The following ERBB4 variants were observed in gnomAD, a reference collection of about 807,000 sequenced individuals.
The protein encoded by ERBB4 is receptor tyrosine-protein kinase erbB-4.
ERBB4 carries 42 observed loss-of-function variants against 158.0 expected under a neutral mutation model. The ratio of observed to expected loss-of-function variants is 0.27; its 90% CI spans 0.21 to 0.34. The LOEUF is 0.34. ERBB4 is among the 10% of genes least tolerant of loss of function. ERBB4 has a pLI of 1.00. For missense variants in ERBB4, 1,333 were observed against 1,624.1 expected, an observed-to-expected ratio of 0.82 and a Z score of 3.08; for synonymous variants, 583 against 558.7, an observed-to-expected ratio of 1.04 and a Z score of -0.61.
rs554756651 is a variant in ERBB4 at position 212,374,626 on chromosome 2, C to T, written c.82+163823G>A. Among the ~76,000 whole-genome samples the T allele has an allele frequency of 1.6e-4, 24 of 152,034 alleles. No homozygotes were observed. The South Asian group carries it at 3.7e-3, about 24-fold the overall frequency. On this transcript the variant is annotated intron_variant, in intron 1 of 27. Transcript: ENST00000342788. ...AATATTACAAATATAAACACACACA[C>T]ACACACATATTTGTAAAGAGGAAGA...
rs2081987865 is a variant in ERBB4, at chr2:211,988,299, T to TTA, written c.235-40685_235-40684dup. 2.6e-5 allele frequency among the ~76,000 whole-genome samples: 4 copies of TTA among 152,078 alleles called. No individual in the cohort carries two copies. In the South Asian group the frequency reaches 8.3e-4, roughly 31 times the overall value. Reference sequence around the variant, plus strand: ...TTCAAGTTCACACCGCTTACTAGTTTTATAATCTTGGGCAGTTGGATTCTC... The same window carrying TTA: ...TTCAAGTTCACACCGCTTACTAGTTTTATATAATCTTGGGCAGTTGGATTCTC... On this transcript the variant is annotated intron_variant, in intron 2 of 27. Coordinates refer to ENST00000342788, the MANE Select transcript of ERBB4 (RefSeq NM_005235.3).
rs142639642 is a variant in ERBB4, at chr2:211,457,272, A to G, written c.2488-26172T>C. On this transcript the variant is annotated intron_variant, in intron 20 of 27. Transcript: ENST00000342788. The stretch of plus-strand genomic sequence containing the variant: ...TTCCTAGATTAAATGGTTTGAAATT[A>G]TCTATTTAAAAATAATTACTTCTTT... Among the ~76,000 whole-genome samples, 373 of 152,310 alleles carry G rather than the reference A, an allele frequency of 2.4e-3. 2 individuals are homozygous for G. The highest frequency in any genetic ancestry group is 8.7e-3 in the African/African-American group (360 of 41,558).
chr2:211,741,452 T>TATACACACACAC (rs1553622686), intron 5 of ERBB4, among the ~76,000 whole-genome samples: 9 of 143,210 alleles, frequency 6.3e-5, no homozygotes, highest in African/African-American at 1.1e-4. Context: ...TATGTAGTTA[T>TATACACACACAC]ACACACACAC....
chr2:212,089,102 G>A (rs1251522363), intron 2 of ERBB4, among the ~76,000 whole-genome samples: 1 of 151,994 alleles, frequency 6.6e-6, no homozygotes, highest in Admixed American at 6.6e-5. Flanking sequence ...ACAAAGGAAA[G>A]CAAATAGAAA....
At chr2:212,005,145 G>A (rs1342602631) in intron 2 of ERBB4, among the ~76,000 whole-genome samples, 1 of 152,096 alleles carries the variant, frequency 6.6e-6, no homozygotes, top group Non-Finnish European at 1.5e-5. Context: ...AGGTGTTTGA[G>A]TTCAATATGT....
At chr2:211,424,439 A>C in intron 22 of ERBB4, 138 bp from the exon 23 acceptor site, 1 of 646,782 alleles carries the variant, frequency 1.5e-6, no homozygotes, top group Non-Finnish European at 2.7e-6. Flanking sequence ...AGCTCCATAA[A>C]TTCCTGCATC....
intron 1 of ERBB4, among the ~76,000 whole-genome samples, chr2:212,523,967 T>C (rs1398700403): frequency 1.3e-5 from 2 of 152,020 alleles, no homozygotes; most frequent in Non-Finnish European, 2.9e-5. Flanking sequence ...TTCAAACAGC[T>C]GTTAATGTTT....
At chr2:211,706,120 G>T (rs1050422978) in intron 9 of ERBB4, among the ~76,000 whole-genome samples, 1 of 151,762 alleles carries the variant, frequency 6.6e-6, no homozygotes, top group African/African-American at 2.4e-5. Flanking sequence ...TACTATCCTA[G>T]GTAGAGACCT....
At chr2:212,347,311 A>C (rs1020550679) in intron 1 of ERBB4, among the ~76,000 whole-genome samples, 1 of 148,612 alleles carries the variant, frequency 6.7e-6, no homozygotes, top group East Asian at 1.9e-4. Context: ...CATGTTTTCT[A>C]AGACTTCCGT....
At position 211,378,842 on chromosome 2, in the gene ERBB4, A is replaced by T; in HGVS notation, c.*4773T>A. 4.3e-6 allele frequency: 1 copy of T among 231,982 alleles called. No individual in the cohort carries two copies. The highest frequency in any genetic ancestry group is 2.2e-5 in the African/African-American group (1 of 45,210). 14.4% of individuals were successfully genotyped at this position (231,982 alleles called of 1,614,324 possible). ...TGTACACAAACAGAGGCACAGTAAG[A>T]TCCTCTGCCCACAGTATATACAGTA... On this transcript the variant is annotated 3_prime_UTR_variant, in exon 28 of 28. Transcript: ENST00000342788.
At chr2:211,463,594 G>A (rs536051712) in intron 20 of ERBB4, among the ~76,000 whole-genome samples, 3 of 152,124 alleles carry the variant, frequency 2.0e-5, no homozygotes, top group South Asian at 2.1e-4. Flanking sequence ...AAAGTTTAGT[G>A]GACATAGGAA....
chr2:211,418,565 T>A (rs774093898), intron 25 of ERBB4, among the ~76,000 whole-genome samples: 14 of 152,096 alleles, frequency 9.2e-5, no homozygotes, highest in Non-Finnish European at 1.9e-4. Context: ...AGCTCAAACC[T>A]TTATTAAGAA....
At chr2:212,430,100 T>C (rs1266968461) in intron 1 of ERBB4, among the ~76,000 whole-genome samples, 1 of 152,150 alleles carries the variant, frequency 6.6e-6, no homozygotes, top group Non-Finnish European at 1.5e-5. Context: ...GTAAAGAAAA[T>C]AAATAATGCT....
chr2:211,440,769 T>C (rs966409786), intron 20 of ERBB4, among the ~76,000 whole-genome samples: 1 of 152,190 alleles, frequency 6.6e-6, no homozygotes, highest in Non-Finnish European at 1.5e-5. Flanking sequence ...TTGAGTTTAT[T>C]TATAACTGCT....
chr2:212,373,971 TCC>T (rs1363327511), intron 1 of ERBB4, among the ~76,000 whole-genome samples: 1 of 133,594 alleles, frequency 7.5e-6, no homozygotes, highest in African/African-American at 2.7e-5. Flanking sequence ...TCCATATATA[TCC>T]ATATATATAT....
chr2:211,960,985 G>A (rs2081166059), intron 2 of ERBB4, among the ~76,000 whole-genome samples: 1 of 151,964 alleles, frequency 6.6e-6, no homozygotes, highest in Admixed American at 6.6e-5. Context: ...ATAATAATAG[G>A]TGAAACTGAG....
At chr2:211,518,877 C>T (rs1251600978) in intron 20 of ERBB4, among the ~76,000 whole-genome samples, 1 of 152,052 alleles carries the variant, frequency 6.6e-6, no homozygotes, top group Non-Finnish European at 1.5e-5. Flanking sequence ...CATCGGTTCA[C>T]TAAATATTGG....
chr2:211,764,846 A>G (rs867653443), intron 4 of ERBB4, among the ~76,000 whole-genome samples: 2 of 152,178 alleles, frequency 1.3e-5, no homozygotes, highest in East Asian at 1.9e-4. Flanking sequence ...AATGCTCAGA[A>G]AGTTCAACGG....
rs1279524244 is a variant in ERBB4, at chr2:211,383,653, G to A, written c.3889C>T (p.Pro1297Ser). The change falls in exon 28 of 28, where the codon CCG becomes TCG. Residue 1297 changes from proline to serine, a missense_variant. This residue lies in a region of ERBB4 where 84 missense variants were observed against 110.8 expected (regional missense o/e 0.76). Coordinates refer to ENST00000342788, the MANE Select transcript of ERBB4 (RefSeq NM_005235.3). ...TTCCGGTGTCTGTAAGGTGGAGGCG[G>A]CAGCACAGTGCCTGGCTTCAGGGAG... is the stretch of plus-strand genomic sequence containing the variant. ...EFSLKPGTVL[P>S]PPPYRHRNTV... 2.5e-6 allele frequency: 4 copies of A among 1,613,806 alleles called. No homozygotes were observed. Among genetic ancestry groups the A allele is most frequent in the Non-Finnish European group, 3.4e-6 (4 of 1,179,978 alleles).
Sources: allele counts gnomAD v4.1 joint callset (sites outside exome capture counted in the v4.1 genomes callset), GRCh38; gene constraint gnomAD v4.1.1; regional missense constraint gnomAD v4.1.1; transcripts MANE v1.5; gene names NCBI Gene and HGNC (gene_info 2026-07-23, HGNC 2026-07-21).